Variants in WDR26 observed in about 807,000 individuals in gnomAD.
WDR26 encodes WD repeat domain 26.
Under a neutral mutation model 84.1 loss-of-function variants are expected in WDR26, and 5 were observed. The observed-to-expected ratio is 0.06, with a 90% CI of 0.03 to 0.13. The LOEUF (loss-of-function observed/expected upper bound fraction) is 0.13, where lower values mean the gene tolerates loss of function less well. Ranked by LOEUF, WDR26 falls within the 10% of genes least tolerant of loss-of-function variation. The pLI is 1.00. For missense variants in WDR26, 642 were observed against 974.9 expected, an observed-to-expected ratio of 0.66 and a Z score of 4.55; for synonymous variants, 415 against 389.6, an observed-to-expected ratio of 1.07 and a Z score of -0.77.
chr1:224,418,553 G>A, intron 5 of WDR26, 137 bp from the exon 6 acceptor site: 1 of 735,116 alleles, frequency 1.4e-6, no homozygotes, highest in East Asian at 2.9e-5. Context: ...TCTGCGTTAT[G>A]CGATACGTGA....
chr1:224,400,458 A>G (rs972751268), intron 9 of WDR26, among the ~76,000 whole-genome samples: 1 of 7,236 alleles, frequency 1.4e-4, no homozygotes, highest in African/African-American at 1.5e-4. Flanking sequence ...TGTTTAAAAG[A>G]AAGGAAAAAA....
At position 224,389,214 on chromosome 1, in the gene WDR26, T is replaced by C. The variant is rs758227175; in HGVS notation, c.*621A>G. On this transcript the variant is annotated 3_prime_UTR_variant, in exon 14 of 14. Transcript: ENST00000414423. ...ACGGGGCAACAAGCTATGTGAAAAG[T>C]ACAAAACTTTTTGTCAAATGTAATA... The C allele has an allele frequency of 6.5e-6, 1 of 154,716 alleles. No homozygotes were observed. 9.6% of individuals were successfully genotyped at this position (154,716 alleles called of 1,614,324 possible). A position where few individuals can be genotyped will look rare whatever the true frequency, so the allele number is the denominator to read the frequency against.
rs1162787469 is a variant in WDR26, at chr1:224,414,709, GTTGCTCA to G, written c.1320-3151_1320-3145del. ...TAAATTTAGGTTCAGACCCAGCATG[GTTGCTCA>G]TACCTGTAACCCTAGCACTTTGGAA... On this transcript the variant is annotated intron_variant, in intron 6 of 13. Coordinates refer to ENST00000414423, the MANE Select transcript of WDR26 (RefSeq NM_001379403.1). 9.9e-5 allele frequency among the ~76,000 whole-genome samples: 15 copies of G among 152,166 alleles called. No homozygotes were observed. In the East Asian group the frequency reaches 2.5e-3, roughly 26 times the overall value.
intron 9 of WDR26, 21 bp from the exon 10 acceptor site, chr1:224,399,055 A>G (rs769552096): frequency 2.7e-6 from 4 of 1,498,660 alleles, no homozygotes; most frequent in Non-Finnish European, 2.7e-6. Context: ...AAAAACTACT[A>G]TTAACTTCAT....
At chr1:224,415,806 G>A (rs990828698) in intron 6 of WDR26, among the ~76,000 whole-genome samples, 1 of 152,176 alleles carries the variant, frequency 6.6e-6, no homozygotes, top group Non-Finnish European at 1.5e-5. Context: ...AAGAGCCTAA[G>A]GAGTAGCCAG....
At chr1:224,408,019 A>C (rs1371964199) in intron 7 of WDR26, among the ~76,000 whole-genome samples, 2 of 152,208 alleles carry the variant, frequency 1.3e-5, no homozygotes, top group Non-Finnish European at 2.9e-5. Flanking sequence ...AGCCCTTTAC[A>C]TGTAACACCT....
rs975523920 is a variant in WDR26, at chr1:224,404,315, A to T, written c.1599+115T>A. 3.2e-6 allele frequency: 4 copies of T among 1,240,224 alleles called. No homozygotes were observed. In the Admixed American group the frequency reaches 1.1e-4, roughly 35 times the overall value. 76.8% of individuals were successfully genotyped at this position (1,240,224 alleles called of 1,614,324 possible). A position where few individuals can be genotyped will look rare whatever the true frequency, so the allele number is the denominator to read the frequency against. On this transcript the variant is annotated intron_variant, in intron 8 of 13. Coordinates refer to ENST00000414423, the MANE Select transcript of WDR26 (RefSeq NM_001379403.1). ...TTCCACTTGAATAACTAAGAGATAC[A>T]GTATAGTAATTTAGGTTGAATGGTT...
At chr1:224,390,714 G>A (rs1159214531) in intron 13 of WDR26, among the ~76,000 whole-genome samples, 1 of 152,040 alleles carries the variant, frequency 6.6e-6, no homozygotes, top group Non-Finnish European at 1.5e-5. Context: ...AGGTTGCAGT[G>A]AGCCGAGATT....
At chr1:224,433,598 C>G in intron 1 of WDR26, 86 bp downstream of exon 1, 1 of 754,204 alleles carries the variant, frequency 1.3e-6, no homozygotes, top group South Asian at 1.9e-5. Context: ...TTCAAGCCCC[C>G]CTCCCCCCTC....
At chr1:224,405,188 G>A (rs1673519231) in intron 7 of WDR26, among the ~76,000 whole-genome samples, 1 of 152,042 alleles carries the variant, frequency 6.6e-6, no homozygotes. Flanking sequence ...TACATGATGT[G>A]GTCTCTTTTA....
At chr1:224,399,929 A>T (rs1433400462) in intron 9 of WDR26, among the ~76,000 whole-genome samples, 1 of 152,168 alleles carries the variant, frequency 6.6e-6, no homozygotes, top group Non-Finnish European at 1.5e-5. Context: ...CCATGATCAC[A>T]CCAATGTACT....
chr1:224,417,686 A>T (rs1351035205), intron 6 of WDR26, among the ~76,000 whole-genome samples: 1 of 152,234 alleles, frequency 6.6e-6, no homozygotes, highest in Admixed American at 6.5e-5. Flanking sequence ...GGCAACAGAG[A>T]GGCTGTGTCT....
intron 9 of WDR26, among the ~76,000 whole-genome samples, chr1:224,400,641 G>A (rs1257841696): frequency 1.3e-5 from 2 of 152,152 alleles, no homozygotes; most frequent in Admixed American, 6.5e-5. Context: ...CGCCTCCTGA[G>A]TTCAAGCAAT....
At chr1:224,431,928 C>T (rs1674403434) in intron 1 of WDR26, 147 bp from the exon 2 acceptor site, 1 of 567,328 alleles carries the variant, frequency 1.8e-6, no homozygotes, top group East Asian at 3.1e-5. Context: ...CCTGGTTAAA[C>T]AAACTTTATT....
intron 6 of WDR26, among the ~76,000 whole-genome samples, chr1:224,417,480 G>C (rs768081171): frequency 6.6e-6 from 1 of 152,236 alleles, no homozygotes; most frequent in Non-Finnish European, 1.5e-5. Flanking sequence ...CAAGGCAGAA[G>C]TATCGATTGC....
Position 224,389,721 on chromosome 1 carries a change from TC to T in WDR26, c.*113del. 2 of 1,139,150 alleles carry T rather than the reference TC, an allele frequency of 1.8e-6. No individual in the cohort carries two copies. The highest frequency in any genetic ancestry group is 2.6e-5 in the South Asian group (2 of 78,266). 70.6% of individuals were successfully genotyped at this position (1,139,150 alleles called of 1,614,324 possible). A position where few individuals can be genotyped will look rare whatever the true frequency, so the allele number is the denominator to read the frequency against. On this transcript the variant is annotated 3_prime_UTR_variant, in exon 14 of 14. Transcript: ENST00000414423. Reference sequence around the variant, plus strand: ...TCGGGCTTCAGAAATGGTTCTTTTTTCATGACGAGCATGTCTGTCCAGCTAT... The same window carrying T: ...TCGGGCTTCAGAAATGGTTCTTTTTTATGACGAGCATGTCTGTCCAGCTAT...
chr1:224,420,310 G>A (rs1674023833), intron 4 of WDR26, among the ~76,000 whole-genome samples: 1 of 152,132 alleles, frequency 6.6e-6, no homozygotes, highest in African/African-American at 2.4e-5. Context: ...GCCCCTGCTG[G>A]GAGTGTGACC....
At chr1:224,408,864 G>T (rs957291530) in intron 7 of WDR26, among the ~76,000 whole-genome samples, 1 of 149,992 alleles carries the variant, frequency 6.7e-6, no homozygotes. Context: ...TTTTTCACAG[G>T]AATTTTAAAC....
intron 13 of WDR26, among the ~76,000 whole-genome samples, chr1:224,392,316 G>A (rs1175837019): frequency 6.6e-6 from 1 of 151,016 alleles, no homozygotes; most frequent in African/African-American, 2.4e-5. Flanking sequence ...AGCCGAGATC[G>A]CACCACTGTA....
Sources: gnomAD v4.1 joint callset for allele counts (sites outside exome capture counted in the v4.1 genomes callset) on GRCh38, gnomAD v4.1.1 for gene constraint, MANE v1.5 for transcripts, NCBI Gene and HGNC (gene_info 2026-07-23, HGNC 2026-07-21) for gene names.